ARL15: variants seen among roughly 807,000 people sequenced by gnomAD.
ARL15 encodes ADP-ribosylation factor-like protein 15.
In ARL15, 19 loss-of-function variants were observed where a neutral mutation model predicts 25.2. That is an observed-to-expected ratio of 0.75 (90% CI 0.53 to 1.10). The LOEUF is 1.10. ARL15 is among the 50% of genes least tolerant of loss of function. The probability of loss-of-function intolerance (pLI) is 0.00; values close to 1 mark genes in which losing one functional copy is unlikely to be tolerated. For synonymous variants in ARL15, 94 were observed against 86.8 expected, an observed-to-expected ratio of 1.08 and a Z score of -0.46; for missense variants, 220 against 246.0, an observed-to-expected ratio of 0.89 and a Z score of 0.71.
At chr5:54,148,297 T>C (rs1259733010) in intron 3 of ARL15, among the ~76,000 whole-genome samples, 1 of 152,102 alleles carries the variant, frequency 6.6e-6, no homozygotes, top group East Asian at 1.9e-4. Flanking sequence ...AACAGCACCT[T>C]TCACTATGAG....
intron 4 of ARL15, among the ~76,000 whole-genome samples, chr5:53,991,275 C>T (rs1748480887): frequency 6.6e-6 from 1 of 152,006 alleles, no homozygotes; most frequent in South Asian, 2.1e-4. Context: ...TGTACGGTGG[C>T]TCACGCCTGT....
chr5:54,180,241 T>A (rs1330408512), intron 1 of ARL15, among the ~76,000 whole-genome samples: 1 of 152,014 alleles, frequency 6.6e-6, no homozygotes, highest in African/African-American at 2.4e-5. Context: ...AGGAAATATA[T>A]GAATAAACTG....
intron 1 of ARL15, among the ~76,000 whole-genome samples, chr5:54,243,884 T>C (rs1270169458): frequency 6.6e-6 from 1 of 152,208 alleles, no homozygotes; most frequent in East Asian, 1.9e-4. Context: ...TGTTGCCACC[T>C]TGTCCAAGAT....
intron 4 of ARL15, among the ~76,000 whole-genome samples, chr5:54,088,124 C>T (rs1752030570): frequency 6.6e-6 from 1 of 152,120 alleles, no homozygotes; most frequent in Non-Finnish European, 1.5e-5. Context: ...ACTAGCATGA[C>T]TGTTTCCAGA....
At chr5:53,908,172 C>A (rs1449242786) in intron 4 of ARL15, among the ~76,000 whole-genome samples, 1 of 152,102 alleles carries the variant, frequency 6.6e-6, no homozygotes, top group Non-Finnish European at 1.5e-5. Flanking sequence ...ATTATTTTAT[C>A]ATTAGTTACT....
chr5:53,907,489 T>TATTTTTG (rs1554025337), intron 4 of ARL15, among the ~76,000 whole-genome samples: 1 of 16,978 alleles, frequency 5.9e-5, no homozygotes, highest in African/African-American at 2.8e-4. Context: ...TATATATATA[T>TATTTTTG]TTTTTTTTTT....
At chr5:54,224,633 C>A (rs1240230236) in intron 1 of ARL15, among the ~76,000 whole-genome samples, 2 of 152,058 alleles carry the variant, frequency 1.3e-5, no homozygotes, top group Non-Finnish European at 2.9e-5. Context: ...AACTGAAAAC[C>A]TGGACATCAT....
At chr5:53,926,614 AGT>A (rs1746032961) in intron 4 of ARL15, among the ~76,000 whole-genome samples, 1 of 152,204 alleles carries the variant, frequency 6.6e-6, no homozygotes, top group South Asian at 2.1e-4. Flanking sequence ...GCAAATTGAC[AGT>A]GAGTGGCTTC....
intron 4 of ARL15, among the ~76,000 whole-genome samples, chr5:53,908,117 CAGAA>C (rs749725924): frequency 6.6e-5 from 10 of 152,244 alleles, no homozygotes; most frequent in African/African-American, 1.2e-4. Flanking sequence ...TTTTGAAAAA[CAGAA>C]AGAGAGACCA....
At chr5:54,135,732 G>A (rs1015171964) in intron 3 of ARL15, among the ~76,000 whole-genome samples, 2 of 152,206 alleles carry the variant, frequency 1.3e-5, no homozygotes, top group Non-Finnish European at 2.9e-5. Flanking sequence ...ACATGCCAGA[G>A]ATTTGAAAAC....
At chr5:53,889,658 C>T (rs1744650574) in intron 4 of ARL15, among the ~76,000 whole-genome samples, 1 of 152,184 alleles carries the variant, frequency 6.6e-6, no homozygotes. Flanking sequence ...AATTTTTAAA[C>T]GAGTTTTGCC....
intron 3 of ARL15, among the ~76,000 whole-genome samples, chr5:54,138,570 G>C (rs923026080): frequency 6.6e-6 from 1 of 152,082 alleles, no homozygotes; most frequent in Non-Finnish European, 1.5e-5. Flanking sequence ...AAGAATTCTA[G>C]AAGAAAACCT....
chr5:54,213,020 G>T (rs1207918339), intron 1 of ARL15, among the ~76,000 whole-genome samples: 1 of 152,162 alleles, frequency 6.6e-6, no homozygotes, highest in Non-Finnish European at 1.5e-5. Context: ...TATGTTGTCT[G>T]ATCAAGCAAA....
At chr5:54,101,542 T>C (rs1272162530) in intron 4 of ARL15, among the ~76,000 whole-genome samples, 1 of 152,146 alleles carries the variant, frequency 6.6e-6, no homozygotes, top group African/African-American at 2.4e-5. Context: ...AAGAAGCCTG[T>C]ATTTCCCTAG....
chr5:53,982,413 C>A (rs1340711121), intron 4 of ARL15, among the ~76,000 whole-genome samples: 1 of 149,940 alleles, frequency 6.7e-6, no homozygotes, highest in Admixed American at 6.6e-5. Context: ...TCAACTCCCA[C>A]CTATGAGTGA....
At chr5:54,229,840 A>G (rs73757004) in intron 1 of ARL15, among the ~76,000 whole-genome samples, 1,579 of 152,200 alleles carry the variant, frequency 0.01, 35 homozygotes, top group African/African-American at 0.037. Context: ...TCTGATCCCC[A>G]CCGGCAATCT....
intron 3 of ARL15, among the ~76,000 whole-genome samples, chr5:54,116,405 G>A (rs1056661061): frequency 6.6e-6 from 1 of 151,994 alleles, no homozygotes; most frequent in African/African-American, 2.4e-5. Flanking sequence ...TAAGCTGGAG[G>A]GACAAAACTG....
intron 1 of ARL15, among the ~76,000 whole-genome samples, chr5:54,303,467 A>C (rs970925104): frequency 6.6e-6 from 1 of 152,030 alleles, no homozygotes; most frequent in African/African-American, 2.4e-5. Flanking sequence ...GCTGAGATCA[A>C]GCCACTGCAC....
intron 3 of ARL15, among the ~76,000 whole-genome samples, chr5:54,138,929 G>T (rs185854087): frequency 6.6e-6 from 1 of 152,204 alleles, no homozygotes; most frequent in East Asian, 1.9e-4. Context: ...CCCAATATCA[G>T]TAATCATCAG....
Sources: gnomAD v4.1 joint callset for allele counts (sites outside exome capture counted in the v4.1 genomes callset) on GRCh38, gnomAD v4.1.1 for gene constraint, MANE v1.5 for transcripts, NCBI Gene and HGNC (gene_info 2026-07-23, HGNC 2026-07-21) for gene names.